Variants in NOTCH2NLB observed in about 807,000 individuals in gnomAD.
NOTCH2NLB encodes the protein notch homolog 2 N-terminal-like protein B.
NOTCH2NLB carries 1 observed loss-of-function variant against 14.8 expected under a neutral mutation model. That is an observed-to-expected ratio of 0.07 (90% confidence interval 0.02 to 0.32). The LOEUF (loss-of-function observed/expected upper bound fraction) is 0.32, where lower values mean the gene tolerates loss of function less well. Ranked by LOEUF, NOTCH2NLB falls within the 10% of genes least tolerant of loss-of-function variation. NOTCH2NLB has a pLI of 1.00. For missense variants in NOTCH2NLB, 11 were observed against 155.0 expected, an observed-to-expected ratio of 0.07 and a Z score of 4.93; for synonymous variants, 6 against 57.5, an observed-to-expected ratio of 0.10 and a Z score of 4.05.
intron 2 of NOTCH2NLB, among the ~76,000 whole-genome samples, chr1:148,637,492 T>C (rs1664232496): frequency 6.9e-6 from 1 of 144,680 alleles, no homozygotes; most frequent in Admixed American, 6.8e-5. Flanking sequence ...CATATATAAG[T>C]CACCAAGTTG....
chr1:148,712,406 A>C, the NOTCH2NLB span, among the ~76,000 whole-genome samples: 2 of 151,384 alleles, frequency 1.3e-5, no homozygotes, highest in Non-Finnish European at 3.0e-5. Context: ...GGCCAAGAGG[A>C]ATTCCACATT....
At chr1:148,640,320 TTC>T in intron 1 of NOTCH2NLB, among the ~76,000 whole-genome samples, 1 of 11,046 alleles carries the variant, frequency 9.1e-5, no homozygotes, top group Admixed American at 8.3e-4. Context: ...ATGCTCTTAT[TTC>T]TCTGTGTTTC....
intron 2 of NOTCH2NLB, among the ~76,000 whole-genome samples, chr1:148,633,181 T>C (rs1319060057): frequency 7.9e-6 from 1 of 127,380 alleles, no homozygotes; most frequent in Non-Finnish European, 1.6e-5. Flanking sequence ...TTAGCTAGCA[T>C]TATAGACTTT....
downstream of NOTCH2NLB, among the ~76,000 whole-genome samples, chr1:148,604,065 CA>C (rs1279633125): frequency 4.3e-5 from 1 of 23,232 alleles, no homozygotes; most frequent in African/African-American, 1.8e-4. Flanking sequence ...ATGAGAAGAC[CA>C]AAGTTACAGT....
chr1:148,661,480 A>T (rs1278991794), intron 1 of NOTCH2NLB, among the ~76,000 whole-genome samples: 2 of 148,288 alleles, frequency 1.3e-5, no homozygotes, highest in African/African-American at 4.9e-5. Context: ...GAATGTAAGA[A>T]ATCTATTAAT....
chr1:148,651,162 A>ATATATATATATATAT (rs1325402394), intron 1 of NOTCH2NLB, among the ~76,000 whole-genome samples: 22 of 46,000 alleles, frequency 4.8e-4, no homozygotes, highest in East Asian at 1.8e-3. Context: ...AAAAAAAAAA[A>ATATATATATATATAT]ATATATATAT....
At chr1:148,637,977 T>G (rs1664250789) in intron 2 of NOTCH2NLB, among the ~76,000 whole-genome samples, 1 of 147,762 alleles carries the variant, frequency 6.8e-6, no homozygotes, top group African/African-American at 2.5e-5. Context: ...CACATTTTCT[T>G]TATCCAGTCT....
downstream of NOTCH2NLB, among the ~76,000 whole-genome samples, chr1:148,602,574 TA>T (rs1209152953): frequency 9.8e-5 from 13 of 132,366 alleles, no homozygotes; most frequent in East Asian, 1.8e-3. Flanking sequence ...TCAGTACATT[TA>T]AAAAATTGTA....
At chr1:148,660,430 A>G (rs1387884498) in intron 1 of NOTCH2NLB, among the ~76,000 whole-genome samples, 1 of 142,604 alleles carries the variant, frequency 7.0e-6, no homozygotes, top group Non-Finnish European at 1.6e-5. Context: ...TTGAAAAATA[A>G]GAAGATTCCT....
rs1475276142 is a variant in NOTCH2NLB at position 148,625,704 on chromosome 1, G to T, written c.78-9754C>A. The stretch of plus-strand genomic sequence containing the variant: ...CAGCCTGCCCTAGCTGAGCTCTAGA[G>T]GGGGGAGCTGTCGTTAAGGTAAATG... On this transcript the variant is annotated intron_variant, in intron 2 of 4. Coordinates refer to ENST00000593495, the Ensembl canonical transcript of NOTCH2NLB. Among the ~76,000 whole-genome samples, 17 of 114,620 alleles carry T rather than the reference G, an allele frequency of 1.5e-4. 1 individual carries two copies. Among genetic ancestry groups the T allele is most frequent in the African/African-American group, 6.8e-4 (17 of 24,834 alleles). 75.2% of individuals were successfully genotyped at this position (114,620 alleles called of 152,430 possible).
chr1:148,610,319 G>A (rs1344953775), intron 3 of NOTCH2NLB, among the ~76,000 whole-genome samples: 2 of 54,956 alleles, frequency 3.6e-5, no homozygotes, highest in Non-Finnish European at 7.1e-5. Flanking sequence ...AAGAGAGAAA[G>A]AGAGAGAAAG....
chr1:148,636,895 C>T (rs1245840492), intron 2 of NOTCH2NLB, among the ~76,000 whole-genome samples: 1 of 145,506 alleles, frequency 6.9e-6, no homozygotes, highest in African/African-American at 2.6e-5. Context: ...TGTTGTTCAT[C>T]TTGATCTCCC....
chr1:148,649,682 T>C (rs1167436754), intron 1 of NOTCH2NLB, among the ~76,000 whole-genome samples: 3 of 151,188 alleles, frequency 2.0e-5, no homozygotes, highest in African/African-American at 7.3e-5. Flanking sequence ...GGCTAATTTT[T>C]TTTGTATTTT....
intron 2 of NOTCH2NLB, among the ~76,000 whole-genome samples, chr1:148,637,067 CTTT>C (rs1244676926): frequency 1.3e-5 from 1 of 79,744 alleles, no homozygotes; most frequent in African/African-American, 6.6e-5. Flanking sequence ...GCTCCATTTT[CTTT>C]TTTTTTTTTT....
At chr1:148,674,822 T>C (rs1353588059) in intron 1 of NOTCH2NLB, among the ~76,000 whole-genome samples, 2 of 147,940 alleles carry the variant, frequency 1.4e-5, no homozygotes, top group Non-Finnish European at 3.0e-5. Flanking sequence ...TCACCTTTAG[T>C]TTTTGTCAGT....
chr1:148,601,148 T>C, the NOTCH2NLB span, among the ~76,000 whole-genome samples: 1 of 150,692 alleles, frequency 6.6e-6, no homozygotes, highest in East Asian at 1.9e-4. Context: ...CCATATGTTT[T>C]CTGGGATCCC....
At chr1:148,634,249 A>T (rs1292511130) in intron 2 of NOTCH2NLB, among the ~76,000 whole-genome samples, 1 of 148,510 alleles carries the variant, frequency 6.7e-6, no homozygotes, top group Non-Finnish European at 1.5e-5. Flanking sequence ...AAAACTATAT[A>T]CACAATGTTC....
intron 1 of NOTCH2NLB, among the ~76,000 whole-genome samples, chr1:148,651,163 ATATATAT>A (rs1332635297): frequency 2.2e-4 from 8 of 36,734 alleles, no homozygotes; most frequent in African/African-American, 5.8e-4. Flanking sequence ...AAAAAAAAAA[ATATATAT>A]ATATATATAT....
intron 3 of NOTCH2NLB, among the ~76,000 whole-genome samples, chr1:148,610,002 CCCGGA>C (rs1663634639): frequency 7.0e-6 from 1 of 143,002 alleles, no homozygotes; most frequent in East Asian, 2.0e-4. Flanking sequence ...CAGAAAGATC[CCCGGA>C]CCGGAAGTGG....
Sources: allele counts gnomAD v4.1 joint callset (sites outside exome capture counted in the v4.1 genomes callset), GRCh38; gene constraint gnomAD v4.1.1; transcripts MANE v1.5; gene names NCBI Gene and HGNC (gene_info 2026-07-23, HGNC 2026-07-21).